MTMR11: variants seen among roughly 807,000 people sequenced by gnomAD.
MTMR11 encodes myotubularin-related protein 11.
MTMR11 carries 89 observed loss-of-function variants against 100.0 expected under a neutral mutation model. The observed-to-expected ratio is 0.89, with a 90% CI of 0.75 to 1.06. MTMR11 has a LOEUF of 1.06. Ranked by LOEUF, MTMR11 falls within the 50% of genes least tolerant of loss-of-function variation. The probability of loss-of-function intolerance (pLI) is 0.00; values close to 1 mark genes in which losing one functional copy is unlikely to be tolerated. For synonymous variants in MTMR11, 336 were observed against 326.3 expected (o/e 1.03, Z -0.32); for missense variants, 809 against 873.7 (o/e 0.93, Z 0.93).
Position 149,930,316 on chromosome 1 carries a change from A to G in MTMR11, c.1647+49T>C, listed in dbSNP as rs782647229. Reference sequence around the variant, plus strand: ...CTTTCACTTCTCACTGTCTAGTAGCATGAGCCTGTGGGAACGTCAAGGGAA... The same window carrying G: ...CTTTCACTTCTCACTGTCTAGTAGCGTGAGCCTGTGGGAACGTCAAGGGAA... On this transcript the variant is annotated intron_variant, in intron 15 of 16. Transcript: ENST00000439741. 1.2e-5 allele frequency: 18 copies of G among 1,549,346 alleles called. No individual in the cohort carries two copies. The Admixed American group carries it at 1.4e-4, about 12-fold the overall frequency.
In MTMR11 at chr1:149,935,289, C is replaced by CT. The variant is rs782014732; in HGVS notation, c.325+9_325+10insA. The CT allele has an allele frequency of 2.5e-6, 4 of 1,613,276 alleles. No homozygotes were observed. The highest frequency in any genetic ancestry group is 2.7e-5 in the African/African-American group (2 of 74,842). ...AGTGAACCCCTTCACCAAACCCCCC[C>CT]CCAACTTACCAGCCTCTAATCGTCC... On this transcript the variant is annotated intron_variant, in intron 4 of 16. Coordinates refer to ENST00000439741, the MANE Select transcript of MTMR11 (RefSeq NM_001145862.2).
intron 10 of MTMR11, among the ~76,000 whole-genome samples, chr1:149,932,989 T>C (rs2092679572): frequency 1.3e-5 from 2 of 149,474 alleles, no homozygotes; most frequent in African/African-American, 4.9e-5. Flanking sequence ...AGTTTCACTC[T>C]TGTCGCCCAG....
chr1:149,935,494 G>A, intron 3 of MTMR11, 90 bp downstream of exon 3: 1 of 1,581,390 alleles, frequency 6.3e-7, no homozygotes, highest in Admixed American at 1.7e-5. Context: ...TCAAAAGACA[G>A]CCCTTAACCC....
intron 12 of MTMR11, 24 bp downstream of exon 12, chr1:149,931,920 A>T: frequency 1.3e-6 from 2 of 1,589,174 alleles, no homozygotes; most frequent in South Asian, 1.1e-5. Flanking sequence ...CAAGGAATGG[A>T]ATGGGCTTAA....
chr1:149,928,897 T>G lies in MTMR11; in HGVS notation c.*232A>C, dbSNP rs782254870. On this transcript the variant is annotated 3_prime_UTR_variant, in exon 17 of 17. Coordinates refer to ENST00000439741, the MANE Select transcript of MTMR11 (RefSeq NM_001145862.2). ...ATCTGGTTATCCAGAAGGGATGGGA[T>G]TGGCCTAAAAAAACCGATCAATTTC... is the stretch of plus-strand genomic sequence containing the variant. 2.5e-6 allele frequency: 4 copies of G among 1,614,148 alleles called. No individual in the cohort carries two copies. The highest frequency in any genetic ancestry group is 3.4e-6 in the Non-Finnish European group (4 of 1,180,008).
intron 13 of MTMR11, 43 bp downstream of exon 13, chr1:149,931,217 T>C: frequency 1.2e-6 from 2 of 1,610,738 alleles, no homozygotes; most frequent in Non-Finnish European, 1.7e-6. Flanking sequence ...TTCTCTTACT[T>C]CCTTAGTAAT....
chr1:149,929,975 A>G (rs2092636709), intron 15 of MTMR11, 59 bp from the exon 16 acceptor site: 10 of 1,535,342 alleles, frequency 6.5e-6, no homozygotes, highest in South Asian at 1.2e-5. Flanking sequence ...AGTTTCCCCA[A>G]TCTGGATCAG....
intron 11 of MTMR11, 97 bp downstream of exon 11, chr1:149,932,164 CGAG>C (rs2092668803): frequency 1.4e-6 from 2 of 1,425,586 alleles, no homozygotes; most frequent in Non-Finnish European, 2.0e-6. Flanking sequence ...CTTGGGAAAC[CGAG>C]GAGAAGAACT....
At position 149,929,827 on chromosome 1, in the gene MTMR11, C is replaced by G; in HGVS notation, c.1737G>C (p.Arg579=). 1 of 1,614,138 alleles carries G rather than the reference C, an allele frequency of 6.2e-7. No individual in the cohort carries two copies. Reference sequence around the variant, plus strand: ...AGACTGCCAGCAGGGAAGGACTGTCCCGCCAAGGACAGAGCTGATTCAGGG... The same window carrying G: ...AGACTGCCAGCAGGGAAGGACTGTCGCGCCAAGGACAGAGCTGATTCAGGG... ...LTPLNQLCPW[R]DSPSLLAVSS... is the part of the protein sequence containing the mutation. The change falls in exon 16 of 17, where the codon CGG becomes CGC. Residue 579 remains arginine, a synonymous_variant. Coordinates refer to ENST00000439741, the MANE Select transcript of MTMR11 (RefSeq NM_001145862.2).
intron 12 of MTMR11, 133 bp downstream of exon 12, chr1:149,931,811 G>C (rs1351728060): frequency 1.3e-6 from 1 of 760,420 alleles, no homozygotes; most frequent in Admixed American, 2.2e-5. Flanking sequence ...TGAAGGATGA[G>C]AGTAGAGCTC....
intron 15 of MTMR11, 63 bp from the exon 16 acceptor site, chr1:149,929,979 G>C (rs2092636824): frequency 6.5e-7 from 1 of 1,527,426 alleles, no homozygotes; most frequent in Non-Finnish European, 8.9e-7. Context: ...TCCCCAATCT[G>C]GATCAGGACA....
rs782418774 is a variant in MTMR11, at chr1:149,932,319, C to G, written c.997G>C (p.Ala333Pro). ...AGGGCTGAAAGCCATTTATCCTCAG[C>G]TACAGATGAATCTGATAGAGGGTAG... ...RALCLPDSSV[A>P]EDKWLSALEG... Residue 333 changes from alanine (A) to proline (P), a missense_variant, in exon 11 of 17, where the codon GCT (alanine) becomes CCT (proline). By Grantham distance (27) the Ala-to-Pro change is conservative. Coordinates refer to ENST00000439741, the MANE Select transcript of MTMR11 (RefSeq NM_001145862.2). 1 of 1,613,612 alleles carries G rather than the reference C, an allele frequency of 6.2e-7. No homozygotes were observed. Among genetic ancestry groups the G allele is most frequent in the East Asian group, 2.2e-5 (1 of 44,880 alleles).
chr1:149,934,109 G>A, intron 7 of MTMR11, 82 bp downstream of exon 7: 1 of 1,597,618 alleles, frequency 6.3e-7, no homozygotes, highest in Non-Finnish European at 8.6e-7. Context: ...GCTGGAGTTT[G>A]TGGGAAGTCC....
At chr1:149,935,258 A>G (rs376102678) in intron 4 of MTMR11, 41 bp downstream of exon 4, 25 of 1,607,208 alleles carry the variant, frequency 1.6e-5, no homozygotes, top group Non-Finnish European at 2.0e-5. Flanking sequence ...GAGTTCCAAC[A>G]ACCCCAGTGA....
rs587600112 is a variant in MTMR11 at position 149,928,950 on chromosome 1, A to G, written c.*179T>C. 16 of 1,613,946 alleles carry G rather than the reference A, an allele frequency of 9.9e-6. No homozygotes were observed. The South Asian group carries it at 1.4e-4, about 14-fold the overall frequency. ...GATTGTTTTTGTTTCTTAATCCTTC[A>G]AATGACAAGAAGCAAAAATATTTGT... On this transcript the variant is annotated 3_prime_UTR_variant, in exon 17 of 17. Coordinates refer to ENST00000439741, the MANE Select transcript of MTMR11 (RefSeq NM_001145862.2).
intron 14 of MTMR11, 36 bp from the exon 15 acceptor site, chr1:149,930,583 A>G: frequency 6.4e-7 from 1 of 1,554,762 alleles, no homozygotes. Context: ...ATGGTTACAC[A>G]CAATCCTCCC....
chr1:149,933,390 C>A lies in MTMR11; in HGVS notation c.985+16G>T. The A allele has an allele frequency of 3.1e-6, 5 of 1,613,856 alleles. No individual in the cohort carries two copies. The highest frequency in any genetic ancestry group is 2.2e-5 in the South Asian group (2 of 91,026). On this transcript the variant is annotated intron_variant, in intron 10 of 16. Transcript: ENST00000439741. ...AGGGGTGAGGGTGAGGGTTAGGGGT[C>A]AAAGGTTATTCTCACCAGGCAGGCA... is the stretch of plus-strand genomic sequence containing the variant.
At chr1:149,933,789 C>T (rs587702283) in intron 8 of MTMR11, 66 bp downstream of exon 8, 1 of 1,606,928 alleles carries the variant, frequency 6.2e-7, no homozygotes, top group South Asian at 1.1e-5. Context: ...AGGTTCCTCC[C>T]TCCACGATGT....
chr1:149,936,287 C>T (rs1553769211), intron 1 of MTMR11, 58 bp from the exon 2 acceptor site: 2 of 1,608,188 alleles, frequency 1.2e-6, no homozygotes. Flanking sequence ...CCCAACTCCC[C>T]AGAGGCAGCT....
Sources: gnomAD v4.1 joint callset for allele counts (sites outside exome capture counted in the v4.1 genomes callset) on GRCh38, gnomAD v4.1.1 for gene constraint, MANE v1.5 for transcripts, NCBI Gene and HGNC (gene_info 2026-07-23, HGNC 2026-07-21) for gene names.